SIL1: variants seen among roughly 807,000 people sequenced by gnomAD.
SIL1 encodes SIL1 nucleotide exchange factor.
A neutral mutation model predicts 49.1 loss-of-function variants in SIL1; 40 were observed. That is an observed-to-expected ratio of 0.81 (90% CI 0.63 to 1.06). The LOEUF is 1.06. Among genes scored for constraint, SIL1 ranks in the 50% least tolerant of loss-of-function variants. SIL1 has a pLI of 0.00. For synonymous variants in SIL1, 253 were observed against 250.8 expected (o/e 1.01, Z -0.08); for missense variants, 500 against 572.6 (o/e 0.87, Z 1.29).
chr5:139,013,526 T>G (rs1405874849), intron 7 of SIL1: 1 of 152,214 alleles, frequency 6.6e-6, no homozygotes, highest in Non-Finnish European at 1.5e-5. Context: ...TTGTATCTCT[T>G]AGGATTTGAG....
At chr5:138,964,149 G>C (rs1767084478) in intron 7 of SIL1, among the ~76,000 whole-genome samples, 2 of 152,246 alleles carry the variant, frequency 1.3e-5, no homozygotes. Flanking sequence ...TCAAGGGACA[G>C]AATGATGGAT....
intron 3 of SIL1, among the ~76,000 whole-genome samples, chr5:139,085,536 T>C (rs1770199107): frequency 6.6e-6 from 1 of 151,696 alleles, no homozygotes; most frequent in African/African-American, 2.4e-5. Flanking sequence ...GCAGTGGGAA[T>C]GGAAATAAGT....
intron 7 of SIL1, among the ~76,000 whole-genome samples, chr5:138,990,181 T>C (rs1767727104): frequency 6.6e-6 from 1 of 152,190 alleles, no homozygotes; most frequent in Non-Finnish European, 1.5e-5. Context: ...AGCGTACACT[T>C]ACCCAAGAGT....
intron 1 of SIL1, among the ~76,000 whole-genome samples, chr5:139,129,332 G>A (rs1048729382): frequency 6.6e-6 from 1 of 152,162 alleles, no homozygotes; most frequent in Non-Finnish European, 1.5e-5. Flanking sequence ...ACCATTCAAT[G>A]AGAAAGGACA....
At chr5:139,051,796 C>T (rs186616775) in intron 3 of SIL1, among the ~76,000 whole-genome samples, 6 of 152,314 alleles carry the variant, frequency 3.9e-5, no homozygotes, top group Admixed American at 3.9e-4. Flanking sequence ...TGTTGTGAAT[C>T]GATGGGCTAT....
intron 3 of SIL1, among the ~76,000 whole-genome samples, chr5:139,117,700 C>T (rs906765493): frequency 6.6e-6 from 1 of 152,032 alleles, no homozygotes; most frequent in African/African-American, 2.4e-5. Context: ...GAGGCAGATC[C>T]CAAAATAAAC....
intron 3 of SIL1, among the ~76,000 whole-genome samples, chr5:139,115,888 G>T (rs1028863195): frequency 6.6e-6 from 1 of 152,212 alleles, no homozygotes; most frequent in Non-Finnish European, 1.5e-5. Flanking sequence ...ACTTGCAACT[G>T]CCATATGAAA....
chr5:139,121,122 T>G lies in SIL1; in HGVS notation c.157A>C (p.Arg53=), dbSNP rs151219114. Reference sequence around the variant, plus strand: ...TCCTCCTCGGCTTTGGTTTCTTTTCTCTCTGTTTCTTTGGTGCTGCTCTTC... The same window carrying G: ...TCCTCCTCGGCTTTGGTTTCTTTTCGCTCTGTTTCTTTGGTGCTGCTCTTC... The part of the protein sequence containing the change: ...PEKSSTKETE[R]KETKAEEELD... The change falls in exon 3 of 10, where the codon AGA becomes CGA. Residue 53 remains arginine (R), a synonymous_variant. Transcript: ENST00000394817. The G allele has an allele frequency of 1.2e-6, 2 of 1,614,080 alleles. No homozygotes were observed. The highest frequency in any genetic ancestry group is 1.7e-6 in the Non-Finnish European group (2 of 1,180,046).
chr5:139,040,520 CAG>C, intron 5 of SIL1, among the ~76,000 whole-genome samples: 1 of 96,508 alleles, frequency 1.0e-5, no homozygotes, highest in South Asian at 3.3e-4. Context: ...TTTTTTGAGA[CAG>C]AGTTTCTCTC....
chr5:139,081,503 T>C (rs1290915381), intron 3 of SIL1, among the ~76,000 whole-genome samples: 1 of 152,198 alleles, frequency 6.6e-6, no homozygotes, highest in Non-Finnish European at 1.5e-5. Context: ...CCCTAGTTCT[T>C]GGCCCTCTAC....
rs868205025 is a variant in SIL1 at position 139,084,663 on chromosome 5, T to C, written c.245-33617A>G. On this transcript the variant is annotated intron_variant, in intron 3 of 9. Transcript: ENST00000394817. ...GTCGGGGGAGGGGGGAGGGATAGCA[T>C]TGGGAGATATACCTAATGCTAGATG... 3.7e-3 allele frequency among the ~76,000 whole-genome samples: 459 copies of C among 122,834 alleles called. 1 individual carries two copies. The highest frequency in any genetic ancestry group is 0.014 in the African/African-American group (438 of 32,148). 80.6% of individuals were successfully genotyped at this position (122,834 alleles called of 152,430 possible).
intron 3 of SIL1, among the ~76,000 whole-genome samples, chr5:139,060,402 A>G (rs2150464341): frequency 6.6e-6 from 1 of 152,298 alleles, no homozygotes. Flanking sequence ...CTGAAATTAT[A>G]TAGTTGCTTT....
chr5:138,986,186 C>A lies in SIL1; in HGVS notation c.768-34302G>T, dbSNP rs151184896. On this transcript the variant is annotated intron_variant, in intron 7 of 9. Transcript: ENST00000394817. The stretch of plus-strand genomic sequence containing the variant: ...CATCCCTGCTGGAAAGAAAAAAGAG[C>A]AAAATTAAATTAAAATTCTCTCTGG... Among the ~76,000 whole-genome samples, 117 of 152,272 alleles carry A rather than the reference C, an allele frequency of 7.7e-4. No individual in the cohort carries two copies. The East Asian group carries it at 0.021, about 27-fold the overall frequency.
intron 4 of SIL1, among the ~76,000 whole-genome samples, chr5:139,045,903 A>G (rs918224865): frequency 2.0e-5 from 3 of 152,206 alleles, no homozygotes; most frequent in African/African-American, 7.2e-5. Flanking sequence ...AGTCTCTGTT[A>G]TGATACCCTA....
At position 139,046,989 on chromosome 5, in the gene SIL1, T is replaced by C. The variant is rs560842309; in HGVS notation, c.353+3949A>G. Reference sequence around the variant, plus strand: ...AGCCTTGTGGAGGCTGTTTTGTTTATTACTGTATCCCAATGCCTGGCACGT... The same window carrying C: ...AGCCTTGTGGAGGCTGTTTTGTTTACTACTGTATCCCAATGCCTGGCACGT... On this transcript the variant is annotated intron_variant, in intron 4 of 9. Transcript: ENST00000394817. Among the ~76,000 whole-genome samples, 13 of 152,356 alleles carry C rather than the reference T, an allele frequency of 8.5e-5. No homozygotes were observed. The South Asian group carries it at 1.9e-3, about 22-fold the overall frequency.
At chr5:138,973,450 G>GT (rs1314777562) in intron 7 of SIL1, among the ~76,000 whole-genome samples, 1 of 151,954 alleles carries the variant, frequency 6.6e-6, no homozygotes, top group African/African-American at 2.4e-5. Flanking sequence ...ACCATCAGAG[G>GT]TAAGAGCAGA....
chr5:139,018,263 C>A (rs760758452), intron 7 of SIL1, among the ~76,000 whole-genome samples: 16 of 151,984 alleles, frequency 1.1e-4, no homozygotes, highest in Non-Finnish European at 1.8e-4. Flanking sequence ...AGCAATTAAC[C>A]CAAGCAGGCA....
intron 3 of SIL1, among the ~76,000 whole-genome samples, chr5:139,116,505 T>G (rs1157264219): frequency 6.6e-6 from 1 of 152,214 alleles, no homozygotes; most frequent in Non-Finnish European, 1.5e-5. Flanking sequence ...GGGGCCAACA[T>G]GCAGCACTGG....
intron 7 of SIL1, among the ~76,000 whole-genome samples, chr5:138,985,412 TG>T (rs1767630162): frequency 6.6e-6 from 1 of 152,198 alleles, no homozygotes; most frequent in South Asian, 2.1e-4. Context: ...GTAAATGAGC[TG>T]CCTGCAGCCT....
Sources: gnomAD v4.1 joint callset for allele counts (sites outside exome capture counted in the v4.1 genomes callset) on GRCh38, gnomAD v4.1.1 for gene constraint, MANE v1.5 for transcripts, NCBI Gene and HGNC (gene_info 2026-07-23, HGNC 2026-07-21) for gene names.